DRC10: variants seen among roughly 807,000 people sequenced by gnomAD.
DRC10 encodes the protein IQ domain-containing protein D.
At chr12:113,218,137 CTTTT>C in the DRC10 span, among the ~76,000 whole-genome samples, 1 of 139,782 alleles carries the variant, frequency 7.2e-6, no homozygotes, top group Non-Finnish European at 1.6e-5. Flanking sequence ...AAACCCTGAC[CTTTT>C]TTTTTTTTTT....
At chr12:113,208,457 G>A in the DRC10 span, 11 of 723,948 alleles carry the variant, frequency 1.5e-5, no homozygotes, top group African/African-American at 1.8e-4. Context: ...AAGTGTGGAG[G>A]CATCTCAGGC....
the DRC10 span, among the ~76,000 whole-genome samples, chr12:113,197,277 T>C: frequency 6.9e-6 from 1 of 145,966 alleles, no homozygotes; most frequent in Non-Finnish European, 1.5e-5. Context: ...GCTCAAGCGA[T>C]CCTCCCACCT....
At chr12:113,207,905 T>C in the DRC10 span, 8 of 1,614,208 alleles carry the variant, frequency 5.0e-6, no homozygotes, top group Non-Finnish European at 6.8e-6. Context: ...ACTGCCCTCA[T>C]GACGTCCTCC....
At chr12:113,218,915 G>T in the DRC10 span, among the ~76,000 whole-genome samples, 1 of 152,240 alleles carries the variant, frequency 6.6e-6, no homozygotes, top group African/African-American at 2.4e-5. Context: ...GTTTTGGGCT[G>T]TTAAGGGTGA....
the DRC10 span, among the ~76,000 whole-genome samples, chr12:113,196,540 C>T: frequency 2.0e-5 from 3 of 152,170 alleles, no homozygotes; most frequent in South Asian, 2.1e-4. Flanking sequence ...AGTCCCTGCC[C>T]GCAACCAACC....
chr12:113,202,178 CCT>C, the DRC10 span, among the ~76,000 whole-genome samples: 1 of 152,204 alleles, frequency 6.6e-6, no homozygotes, highest in Admixed American at 6.5e-5. Context: ...ACATCATGCC[CCT>C]CTTTTGGACA....
At chr12:113,207,143 T>G in the DRC10 span, 1 of 414,216 alleles carries the variant, frequency 2.4e-6, no homozygotes, top group Admixed American at 3.6e-5. Flanking sequence ...AGGTCAGGAG[T>G]TCTAGACCAG....
the DRC10 span, among the ~76,000 whole-genome samples, chr12:113,217,620 C>A: frequency 6.6e-6 from 1 of 152,174 alleles, no homozygotes; most frequent in Admixed American, 6.5e-5. Context: ...CAACCTCCAC[C>A]CCCCTGGTTC....
chr12:113,216,548 G>C, the DRC10 span, among the ~76,000 whole-genome samples: 6 of 152,156 alleles, frequency 3.9e-5, no homozygotes, highest in Non-Finnish European at 8.8e-5. Flanking sequence ...TGCTGCTGCT[G>C]ATGTGTCAAT....
At chr12:113,197,542 T>C in the DRC10 span, 5 of 1,528,950 alleles carry the variant, frequency 3.3e-6, no homozygotes, top group Non-Finnish European at 4.4e-6. Context: ...GACAAATACC[T>C]GCTTCTCACC....
chr12:113,216,277 A>G, the DRC10 span, among the ~76,000 whole-genome samples: 1 of 152,242 alleles, frequency 6.6e-6, no homozygotes, highest in African/African-American at 2.4e-5. Flanking sequence ...GCCAATCTGA[A>G]GAAGCTGCAT....
At chr12:113,202,917 C>T in the DRC10 span, 1 of 377,586 alleles carries the variant, frequency 2.6e-6, no homozygotes, top group Non-Finnish European at 5.5e-6. Context: ...TGTACTCATA[C>T]ACCATCTCAC....
the DRC10 span, chr12:113,199,899 C>A: frequency 6.0e-6 from 1 of 165,478 alleles, no homozygotes; most frequent in Non-Finnish European, 1.3e-5. Flanking sequence ...ATCTTTTATT[C>A]TTTGTACAGA....
chr12:113,196,802 T>A, the DRC10 span, among the ~76,000 whole-genome samples: 1 of 152,238 alleles, frequency 6.6e-6, no homozygotes, highest in Non-Finnish European at 1.5e-5. Flanking sequence ...GTGTCTCGAT[T>A]TGAAGGTTAC....
At chr12:113,207,694 A>C in the DRC10 span, 4 of 1,613,978 alleles carry the variant, frequency 2.5e-6, no homozygotes, top group Non-Finnish European at 3.4e-6. Flanking sequence ...GCTGAGCAAG[A>C]GTCTAAGGAC....
At chr12:113,217,988 T>A in the DRC10 span, among the ~76,000 whole-genome samples, 1 of 152,240 alleles carries the variant, frequency 6.6e-6, no homozygotes, top group South Asian at 2.1e-4. Flanking sequence ...ATGCATTTGC[T>A]TGTCACAACT....
chr12:113,195,629 C>G, the DRC10 span: 1 of 1,612,906 alleles, frequency 6.2e-7, no homozygotes, highest in Non-Finnish European at 8.5e-7. Context: ...TCTCCTTGTC[C>G]TTTGCTTTGC....
chr12:113,210,500 G>A, the DRC10 span, among the ~76,000 whole-genome samples: 4 of 151,992 alleles, frequency 2.6e-5, no homozygotes, highest in Non-Finnish European at 2.9e-5. Flanking sequence ...AGGGGCTCAC[G>A]CCTGTAATCC....
the DRC10 span, among the ~76,000 whole-genome samples, chr12:113,197,234 G>A: frequency 3.8e-5 from 5 of 132,118 alleles, no homozygotes; most frequent in African/African-American, 1.4e-4. Flanking sequence ...ATGGAGTCTT[G>A]CTCTGTTGCC....
Sources: gnomAD v4.1 joint callset for allele counts (sites outside exome capture counted in the v4.1 genomes callset) on GRCh38, gnomAD v4.1.1 for gene constraint, MANE v1.5 for transcripts, NCBI Gene and HGNC (gene_info 2026-07-23, HGNC 2026-07-21) for gene names.